The following SMN1 variants were observed in gnomAD, a reference collection of about 807,000 sequenced individuals.
The protein encoded by SMN1 is survival of motor neuron 1, telomeric.
For missense variants in SMN1, 15 were observed against 17.1 expected, an observed-to-expected ratio of 0.88 and a Z score of 0.22; for synonymous variants, 3 against 5.1, an observed-to-expected ratio of 0.58 and a Z score of 0.56.
intron 1 of SMN1, among the ~76,000 whole-genome samples, chr5:70,935,370 AG>A (rs1254606087): frequency 1.6e-5 from 1 of 62,306 alleles, no homozygotes; most frequent in Non-Finnish European, 3.3e-5. Context: ...CATGTTGCCC[AG>A]GCTGGGATTA....
At chr5:70,950,175 T>C (rs1749643881) in intron 7 of SMN1, among the ~76,000 whole-genome samples, 1 of 150,040 alleles carries the variant, frequency 6.7e-6, no homozygotes, top group Non-Finnish European at 1.5e-5. Context: ...CCCAACACTT[T>C]GGGAGGCCAA....
At chr5:70,959,214 C>A in the SMN1 span, among the ~76,000 whole-genome samples, 3 of 147,634 alleles carry the variant, frequency 2.0e-5, no homozygotes, top group African/African-American at 7.4e-5. Flanking sequence ...AATGAGAACA[C>A]ATGGACACAG....
chr5:70,945,935 A>G (rs1240383511), intron 6 of SMN1, 131 bp from the exon 7 acceptor site: 1 of 3,346 alleles, frequency 3.0e-4, no homozygotes, highest in African/African-American at 2.3e-3. Context: ...TTAGGGGAAA[A>G]AAAAGAAATT....
At chr5:70,958,774 A>C (rs566702996), downstream of SMN1, among the ~76,000 whole-genome samples, 2 of 148,568 alleles carry the variant, frequency 1.3e-5, no homozygotes, top group East Asian at 4.0e-4. Context: ...GTGGTGCTGA[A>C]AAAAATGTAT....
chr5:70,955,398 G>T (rs2112838656), downstream of SMN1, among the ~76,000 whole-genome samples: 1 of 143,038 alleles, frequency 7.0e-6, no homozygotes, highest in African/African-American at 2.6e-5. Flanking sequence ...GAATCACCAT[G>T]CCCAGCCCTT....
intron 1 of SMN1, among the ~76,000 whole-genome samples, chr5:70,927,625 G>A (rs1580884290): frequency 3.2e-5 from 1 of 31,574 alleles, no homozygotes; most frequent in Non-Finnish European, 5.4e-5. Flanking sequence ...AAAAAAAAAA[G>A]AAAGGAAGTG....
chr5:70,964,372 GA>G, the SMN1 span, among the ~76,000 whole-genome samples: 3 of 16,800 alleles, frequency 1.8e-4, 1 homozygote, highest in Non-Finnish European at 4.6e-4. Flanking sequence ...GGGATCTGTG[GA>G]AGTTTGAACT....
chr5:70,961,037 T>C, the SMN1 span, among the ~76,000 whole-genome samples: 1 of 81,520 alleles, frequency 1.2e-5, no homozygotes, highest in Non-Finnish European at 2.6e-5. Flanking sequence ...GAAACAGATA[T>C]AAAACAAGCT....
chr5:70,957,544 CA>C (rs2112842576), downstream of SMN1, among the ~76,000 whole-genome samples: 2 of 149,196 alleles, frequency 1.3e-5, 1 homozygote, highest in African/African-American at 4.9e-5. Flanking sequence ...TGAATTTTGT[CA>C]AAGGCCTTTT....
chr5:70,958,924 A>G (rs1749962211), downstream of SMN1, among the ~76,000 whole-genome samples: 1 of 150,134 alleles, frequency 6.7e-6, no homozygotes, highest in Non-Finnish European at 1.5e-5. Flanking sequence ...CCAAAGGACT[A>G]TAAATCATGC....
chr5:70,951,038 G>A (rs1239740524), intron 7 of SMN1, among the ~76,000 whole-genome samples: 1 of 151,802 alleles, frequency 6.6e-6, no homozygotes, highest in East Asian at 2.0e-4. Flanking sequence ...CTCCAAAAGT[G>A]CAAGGCATTA....
the SMN1 span, among the ~76,000 whole-genome samples, chr5:70,960,674 AGAT>A: frequency 2.2e-5 from 3 of 134,912 alleles, no homozygotes; most frequent in East Asian, 4.6e-4. Context: ...AGTGGGAGTT[AGAT>A]GATGATGAGT....
At chr5:70,960,225 G>GT in the SMN1 span, among the ~76,000 whole-genome samples, 1 of 149,212 alleles carries the variant, frequency 6.7e-6, no homozygotes, top group Non-Finnish European at 1.5e-5. Flanking sequence ...TATTTTCAGA[G>GT]TTTTTGCTTA....
intron 7 of SMN1, 49 bp from the exon 8 acceptor site, chr5:70,951,892 T>C: frequency 6.4e-7 from 1 of 1,556,022 alleles, no homozygotes; most frequent in Non-Finnish European, 8.9e-7. Context: ...TATATAGCTA[T>C]CTATGTCTAT....
downstream of SMN1, among the ~76,000 whole-genome samples, chr5:70,956,698 A>G (rs1394443070): frequency 3.3e-5 from 5 of 150,604 alleles, no homozygotes; most frequent in African/African-American, 7.3e-5. Context: ...TACCAGTACC[A>G]TGCTGTTTTG....
At chr5:70,950,475 A>T (rs1277508382) in intron 7 of SMN1, among the ~76,000 whole-genome samples, 1 of 149,082 alleles carries the variant, frequency 6.7e-6, no homozygotes, top group Admixed American at 6.7e-5. Context: ...ATTTTTTAAG[A>T]TGGAGTTTTG....
chr5:70,955,305 T>C (rs1749878064), downstream of SMN1, among the ~76,000 whole-genome samples: 1 of 143,772 alleles, frequency 7.0e-6, no homozygotes, highest in Non-Finnish European at 1.5e-5. Flanking sequence ...TGACATGATC[T>C]ATGTTGCCCA....
At chr5:70,959,642 G>GTT in the SMN1 span, among the ~76,000 whole-genome samples, 3 of 15,914 alleles carry the variant, frequency 1.9e-4, no homozygotes, top group Non-Finnish European at 2.5e-4. Context: ...CATTTAAATT[G>GTT]TTTTTTTTTT....
the SMN1 span, among the ~76,000 whole-genome samples, chr5:70,958,970 G>A: frequency 0.018 from 2,735 of 150,014 alleles, 164 homozygotes; most frequent in African/African-American, 0.064. Flanking sequence ...TGTTTATTGC[G>A]GCACTATTCA....
Sources: gnomAD v4.1 joint callset for allele counts (sites outside exome capture counted in the v4.1 genomes callset) on GRCh38, gnomAD v4.1.1 for gene constraint, MANE v1.5 for transcripts, NCBI Gene and HGNC (gene_info 2026-07-23, HGNC 2026-07-21) for gene names.